Variants in STXBP5L observed in about 807,000 individuals in gnomAD.
The protein encoded by STXBP5L is syntaxin-binding protein 5-like.
A neutral mutation model predicts 144.5 loss-of-function variants in STXBP5L; 65 were observed. The ratio of observed to expected loss-of-function variants is 0.45; its 90% CI spans 0.37 to 0.55. STXBP5L has a LOEUF of 0.55. Ranked by LOEUF, STXBP5L falls within the 20% of genes least tolerant of loss-of-function variation. STXBP5L has a pLI of 0.00. For missense variants in STXBP5L, 1,298 were observed against 1,405.5 expected, an observed-to-expected ratio of 0.92 and a Z score of 1.22; for synonymous variants, 505 against 469.6, an observed-to-expected ratio of 1.08 and a Z score of -0.97.
intron 9 of STXBP5L, among the ~76,000 whole-genome samples, chr3:121,191,356 G>A (rs1390364508): frequency 2.6e-5 from 4 of 152,170 alleles, no homozygotes; most frequent in African/African-American, 4.8e-5. Context: ...CGGCCAACAC[G>A]GCGAAACCCT....
At chr3:120,998,136 G>T (rs1413792718) in intron 3 of STXBP5L, among the ~76,000 whole-genome samples, 3 of 152,042 alleles carry the variant, frequency 2.0e-5, no homozygotes, top group Admixed American at 6.6e-5. Flanking sequence ...ATACTGAATG[G>T]GCAATAGCTG....
chr3:121,099,932 CA>C (rs1553704931), intron 5 of STXBP5L, among the ~76,000 whole-genome samples: 1 of 151,766 alleles, frequency 6.6e-6, no homozygotes, highest in Non-Finnish European at 1.5e-5. Context: ...AAATCGAAAA[CA>C]AAAAAGTAGT....
chr3:121,420,695 T>C lies in STXBP5L; in HGVS notation c.*1598T>C, dbSNP rs1021378643. ...TTATGGTTTTGGCTTATTGAATTTTTGTTTATCAAGGTCTCATTGGATTTA... is the reference window on the plus strand; with the variant it reads ...TTATGGTTTTGGCTTATTGAATTTTCGTTTATCAAGGTCTCATTGGATTTA... On this transcript the variant is annotated 3_prime_UTR_variant, in exon 27 of 27. Coordinates refer to ENST00000471454, the MANE Select transcript of STXBP5L (RefSeq NM_001308330.2). 8 of 152,196 alleles carry C rather than the reference T, an allele frequency of 5.3e-5. No individual in the cohort carries two copies. The highest frequency in any genetic ancestry group is 4.6e-4 in the Admixed American group (7 of 15,272). The allele number at this position is 152,196 out of a possible 1,614,324, so 9.4% of individuals were successfully genotyped here.
rs372212275 is a variant in STXBP5L at position 121,017,885 on chromosome 3, C to T, written c.288-23815C>T. ...TGAGGCCAGGAGTTCAAGTCTGGCC[C>T]GGGGCAATGTTGTGAGACCCCAGTT... On this transcript the variant is annotated intron_variant, in intron 3 of 26. Coordinates refer to ENST00000471454, the MANE Select transcript of STXBP5L (RefSeq NM_001308330.2). Among the ~76,000 whole-genome samples, 20 of 151,964 alleles carry T rather than the reference C, an allele frequency of 1.3e-4. No homozygotes were observed. In the East Asian group the frequency reaches 1.4e-3, roughly 10 times the overall value.
At chr3:121,199,222 T>C (rs2048040879) in intron 9 of STXBP5L, among the ~76,000 whole-genome samples, 2 of 152,174 alleles carry the variant, frequency 1.3e-5, no homozygotes, top group South Asian at 2.1e-4. Flanking sequence ...TATTCTTAGG[T>C]ATTTTATTCT....
At chr3:121,349,683 G>A (rs1407492994) in intron 20 of STXBP5L, among the ~76,000 whole-genome samples, 2 of 152,068 alleles carry the variant, frequency 1.3e-5, no homozygotes, top group Non-Finnish European at 2.9e-5. Flanking sequence ...AGCTCTTCTT[G>A]TTGAATTGAT....
intron 2 of STXBP5L, among the ~76,000 whole-genome samples, chr3:120,921,694 C>A (rs1460578355): frequency 6.6e-6 from 1 of 151,802 alleles, no homozygotes; most frequent in African/African-American, 2.4e-5. Context: ...ATATAGATAT[C>A]CAGTTTTCCC....
intron 9 of STXBP5L, among the ~76,000 whole-genome samples, chr3:121,200,392 G>A (rs2048092950): frequency 1.3e-5 from 2 of 151,974 alleles, no homozygotes; most frequent in African/African-American, 2.4e-5. Context: ...CATTAGTCTA[G>A]CTAGCAGTCT....
intron 5 of STXBP5L, among the ~76,000 whole-genome samples, chr3:121,050,301 G>C (rs1207623659): frequency 6.6e-6 from 1 of 151,962 alleles, no homozygotes; most frequent in African/African-American, 2.4e-5. Flanking sequence ...AAACTAGATA[G>C]GACTTATTTC....
chr3:120,992,050 C>T (rs962930589), intron 3 of STXBP5L, among the ~76,000 whole-genome samples: 1 of 151,824 alleles, frequency 6.6e-6, no homozygotes, highest in East Asian at 1.9e-4. Context: ...TTAAATTGAC[C>T]TATGTCATTG....
At chr3:121,394,184 T>C (rs1387009246) in intron 22 of STXBP5L, among the ~76,000 whole-genome samples, 3 of 152,210 alleles carry the variant, frequency 2.0e-5, no homozygotes, top group Non-Finnish European at 2.9e-5. Flanking sequence ...ATAGCTGTTA[T>C]AAATGGGATT....
intron 23 of STXBP5L, 58 bp downstream of exon 23, chr3:121,407,661 C>G: frequency 6.2e-7 from 1 of 1,601,476 alleles, no homozygotes; most frequent in Non-Finnish European, 8.5e-7. Flanking sequence ...AGGTACAATC[C>G]TAAAAAATAT....
chr3:121,242,680 T>G (rs566439572), intron 14 of STXBP5L, among the ~76,000 whole-genome samples: 1 of 152,056 alleles, frequency 6.6e-6, no homozygotes, highest in South Asian at 2.1e-4. Flanking sequence ...CATTCAAATA[T>G]AGAGATTGAC....
intron 19 of STXBP5L, among the ~76,000 whole-genome samples, chr3:121,318,127 T>G (rs1380852563): frequency 6.6e-6 from 1 of 152,034 alleles, no homozygotes; most frequent in Non-Finnish European, 1.5e-5. Context: ...AATCAGTTAC[T>G]TCTCCTTATT....
chr3:121,411,282 A>T (rs1335841688), intron 23 of STXBP5L, among the ~76,000 whole-genome samples: 1 of 152,206 alleles, frequency 6.6e-6, no homozygotes, highest in South Asian at 2.1e-4. Context: ...TTCAGGTCCC[A>T]TTTTACATAG....
At chr3:121,251,022 A>T (rs1433014112) in intron 15 of STXBP5L, among the ~76,000 whole-genome samples, 1 of 152,174 alleles carries the variant, frequency 6.6e-6, no homozygotes, top group Admixed American at 6.5e-5. Flanking sequence ...GAGGCATGAT[A>T]CATCAGAAAA....
chr3:120,972,025 CT>C, intron 3 of STXBP5L, among the ~76,000 whole-genome samples: 1 of 151,846 alleles, frequency 6.6e-6, no homozygotes. Flanking sequence ...TAGCTTTATT[CT>C]TTTTGCTTAG....
intron 3 of STXBP5L, among the ~76,000 whole-genome samples, chr3:120,968,694 A>C (rs1939882255): frequency 6.6e-6 from 1 of 152,144 alleles, no homozygotes; most frequent in Non-Finnish European, 1.5e-5. Flanking sequence ...ACTATACCCA[A>C]TATATAGTCT....
chr3:121,007,981 T>G (rs1478187450), intron 3 of STXBP5L, among the ~76,000 whole-genome samples: 1 of 152,080 alleles, frequency 6.6e-6, no homozygotes. Flanking sequence ...TTCCTGCTGC[T>G]ATGGTTAATT....
Sources: gnomAD v4.1 joint callset for allele counts (sites outside exome capture counted in the v4.1 genomes callset) on GRCh38, gnomAD v4.1.1 for gene constraint, MANE v1.5 for transcripts, NCBI Gene and HGNC (gene_info 2026-07-23, HGNC 2026-07-21) for gene names.